The following LHFPL6 variants were observed in gnomAD, a reference collection of about 807,000 sequenced individuals.
The protein encoded by LHFPL6 is LHFPL tetraspan subfamily member 6 protein.
In LHFPL6, 9 loss-of-function variants were observed where a neutral mutation model predicts 20.6. The ratio of observed to expected loss-of-function variants is 0.44; its 90% confidence interval spans 0.26 to 0.76. The LOEUF is 0.76. Ranked by LOEUF, LHFPL6 falls within the 30% of genes least tolerant of loss-of-function variation. The probability of loss-of-function intolerance (pLI) is 0.20; values close to 1 mark genes in which losing one functional copy is unlikely to be tolerated. For synonymous variants in LHFPL6, 105 were observed against 98.7 expected (o/e 1.06, Z -0.38); for missense variants, 218 against 253.5 (o/e 0.86, Z 0.95).
chr13:39,371,457 G>A (rs1236019945), intron 3 of LHFPL6, among the ~76,000 whole-genome samples: 2 of 152,218 alleles, frequency 1.3e-5, no homozygotes, highest in Non-Finnish European at 2.9e-5. Context: ...CAGCCAATAT[G>A]CATTTAAATG....
intron 3 of LHFPL6, among the ~76,000 whole-genome samples, chr13:39,369,070 C>A (rs912097731): frequency 5.8e-5 from 8 of 139,110 alleles, no homozygotes; most frequent in African/African-American, 2.2e-4. Flanking sequence ...AACTCAGGTA[C>A]GTCTTTTTTT....
At chr13:39,355,504 C>T (rs370331433) in intron 3 of LHFPL6, among the ~76,000 whole-genome samples, 3 of 152,262 alleles carry the variant, frequency 2.0e-5, no homozygotes, top group African/African-American at 7.2e-5. Flanking sequence ...CAGCTAACAA[C>T]ATGATAACAT....
At chr13:39,405,462 C>T (rs1871094417) in intron 2 of LHFPL6, among the ~76,000 whole-genome samples, 1 of 152,166 alleles carries the variant, frequency 6.6e-6, no homozygotes, top group African/African-American at 2.4e-5. Flanking sequence ...AATCAAAGAG[C>T]TGTGCTAAAA....
chr13:39,559,139 G>A (rs892619249), intron 2 of LHFPL6, among the ~76,000 whole-genome samples: 1 of 152,174 alleles, frequency 6.6e-6, no homozygotes, highest in Non-Finnish European at 1.5e-5. Context: ...CTCACTGACC[G>A]CCAAGAGTCA....
intron 2 of LHFPL6, among the ~76,000 whole-genome samples, chr13:39,486,942 G>A (rs555676735): frequency 1.3e-5 from 2 of 152,276 alleles, no homozygotes; most frequent in African/African-American, 4.8e-5. Context: ...GCACACAACA[G>A]AGACTTCAGC....
chr13:39,602,611 T>G (rs948367922), intron 1 of LHFPL6, among the ~76,000 whole-genome samples: 1 of 149,964 alleles, frequency 6.7e-6, no homozygotes, highest in Non-Finnish European at 1.5e-5. Flanking sequence ...ACTCCACCCA[T>G]GGAGACACAC....
intron 3 of LHFPL6, among the ~76,000 whole-genome samples, chr13:39,352,058 A>G (rs1184111191): frequency 1.3e-5 from 2 of 152,218 alleles, no homozygotes; most frequent in African/African-American, 4.8e-5. Flanking sequence ...TTCAATTGCT[A>G]AAGGTCTGCA....
chr13:39,555,317 C>A (rs1249112028), intron 2 of LHFPL6, among the ~76,000 whole-genome samples: 1 of 150,452 alleles, frequency 6.6e-6, no homozygotes, highest in Non-Finnish European at 1.5e-5. Context: ...ACAGAGCTCT[C>A]CCCGCCCTTT....
chr13:39,597,525 A>G (rs1872806057), intron 2 of LHFPL6, among the ~76,000 whole-genome samples: 1 of 152,174 alleles, frequency 6.6e-6, no homozygotes, highest in South Asian at 2.1e-4. Context: ...TCCTTACCAC[A>G]CTATATACAT....
intron 2 of LHFPL6, among the ~76,000 whole-genome samples, chr13:39,413,171 G>C (rs867639944): frequency 6.6e-6 from 1 of 152,158 alleles, no homozygotes; most frequent in East Asian, 1.9e-4. Context: ...AAAAGAGGGA[G>C]AGATGATATC....
intron 2 of LHFPL6, among the ~76,000 whole-genome samples, chr13:39,495,768 G>A (rs1869078066): frequency 6.9e-6 from 1 of 144,518 alleles, no homozygotes. Context: ...AGCTTGGGAT[G>A]TAACTCAATA....
chr13:39,581,595 C>CT (rs1872287125), intron 2 of LHFPL6, among the ~76,000 whole-genome samples: 1 of 51,880 alleles, frequency 1.9e-5, no homozygotes, highest in African/African-American at 6.3e-5. Context: ...ATCTCTCTCT[C>CT]TCTTTTTTTT....
intron 2 of LHFPL6, among the ~76,000 whole-genome samples, chr13:39,403,440 TTTAAA>T (rs1871040872): frequency 6.6e-6 from 1 of 152,226 alleles, no homozygotes; most frequent in African/African-American, 2.4e-5. Flanking sequence ...TGTAATCTAC[TTTAAA>T]TTACTGCAGT....
chr13:39,532,814 T>C (rs1870505206), intron 2 of LHFPL6, among the ~76,000 whole-genome samples: 1 of 152,212 alleles, frequency 6.6e-6, no homozygotes, highest in African/African-American at 2.4e-5. Context: ...CCAAATTATA[T>C]TGGACCACAT....
rs1872638954 is a variant in LHFPL6 at position 39,459,231 on chromosome 13, T to TC, written c.386-80706_386-80705insG. Among the ~76,000 whole-genome samples, 4 of 151,138 alleles carry TC rather than the reference T, an allele frequency of 2.6e-5. No homozygotes were observed. The South Asian group carries it at 6.3e-4, about 24-fold the overall frequency. The stretch of plus-strand genomic sequence containing the variant: ...GTGTGTGTGTGTGTGTGTGTGTGTG[T>TC]GTGTGTGTGTTCGTGTGTATTGTGT... On this transcript the variant is annotated intron_variant, in intron 2 of 3. Transcript: ENST00000379589.
At chr13:39,416,115 G>A (rs76110489) in intron 2 of LHFPL6, among the ~76,000 whole-genome samples, 1,989 of 152,294 alleles carry the variant, frequency 0.013, 25 homozygotes, top group Middle Eastern at 0.034. Flanking sequence ...AACAGAAATG[G>A]TAAAGAAAAT....
At chr13:39,460,841 C>T (rs971748615) in intron 2 of LHFPL6, among the ~76,000 whole-genome samples, 8 of 152,070 alleles carry the variant, frequency 5.3e-5, no homozygotes, top group Admixed American at 6.6e-5. Context: ...TCCTTTCCAA[C>T]TTTTATTTTA....
In LHFPL6 at chr13:39,598,594, C is replaced by T. The variant is rs1872837170; in HGVS notation, c.385+2238G>A. Among the ~76,000 whole-genome samples the T allele has an allele frequency of 2.0e-5, 3 of 152,092 alleles. No individual in the cohort carries two copies. The South Asian group carries it at 6.2e-4, about 32-fold the overall frequency. ...ATTTTGAGACAGAGTCTTGCTCTGT[C>T]GCCCAGGCTGGAGTGTAGTGGCCCA... is the stretch of plus-strand genomic sequence containing the variant. On this transcript the variant is annotated intron_variant, in intron 2 of 3. Coordinates refer to ENST00000379589, the MANE Select transcript of LHFPL6 (RefSeq NM_005780.3).
intron 2 of LHFPL6, among the ~76,000 whole-genome samples, chr13:39,473,279 A>C (rs1872994336): frequency 6.6e-6 from 1 of 151,106 alleles, no homozygotes; most frequent in East Asian, 1.9e-4. Context: ...TTTAAGAACC[A>C]AAGTTCTCCA....
Sources: allele counts gnomAD v4.1 joint callset (sites outside exome capture counted in the v4.1 genomes callset), GRCh38; gene constraint gnomAD v4.1.1; transcripts MANE v1.5; gene names NCBI Gene and HGNC (gene_info 2026-07-23, HGNC 2026-07-21).